Variants in VAV1 observed in about 807,000 individuals in gnomAD.
VAV1 encodes the protein vav guanine nucleotide exchange factor 1.
A neutral mutation model predicts 128.1 loss-of-function variants in VAV1; 33 were observed. That is an observed-to-expected ratio of 0.26 (90% CI 0.20 to 0.34). The LOEUF is 0.34. Ranked by LOEUF, VAV1 falls within the 10% of genes least tolerant of loss-of-function variation. VAV1 has a pLI of 1.00. For missense variants in VAV1, 715 were observed against 1,093.7 expected, an observed-to-expected ratio of 0.65 and a Z score of 4.88; for synonymous variants, 394 against 409.8, an observed-to-expected ratio of 0.96 and a Z score of 0.47.
rs148964450 is a variant in VAV1 at position 6,820,594 on chromosome 19, G to A, written c.205-108G>A. ...AATTCAATTTCATGGAAGAGGGTCT[G>A]TGCTTTCATTTCCCCTCCACACCAG... On this transcript the variant is annotated intron_variant, in intron 1 of 26. Coordinates refer to ENST00000602142, the MANE Select transcript of VAV1 (RefSeq NM_005428.4). This position sits in a 1 kb window ranked among gnomAD's most constrained non-coding sequence, Gnocchi z 4.4. 20 of 784,048 alleles carry A rather than the reference G, an allele frequency of 2.6e-5. No homozygotes were observed. The highest frequency in any genetic ancestry group is 2.0e-4 in the African/African-American group (12 of 58,702). 48.6% of individuals were successfully genotyped at this position (784,048 alleles called of 1,614,324 possible).
At chr19:6,807,721 T>A (rs12978597) in intron 1 of VAV1, among the ~76,000 whole-genome samples, 112,820 of 151,564 alleles carry the variant, frequency 0.74, 43,803 homozygotes, top group East Asian at 0.88. Flanking sequence ...TAAAAAAAAG[T>A]TAAAATCACT....
In VAV1 at chr19:6,855,079, C is replaced by A. The variant is rs182406565; in HGVS notation, c.2484+981C>A. Among the ~76,000 whole-genome samples the A allele has an allele frequency of 6.1e-4, 93 of 152,316 alleles. 1 individual carries two copies. Among genetic ancestry groups the A allele is most frequent in the Non-Finnish European group, 1.2e-3 (79 of 68,024 alleles). ...AGTCCACTTGTTTCTGCCAAGTTCT[C>A]ATTTTTGTTCCATGAAGGCAGAGCA... On this transcript the variant is annotated intron_variant, in intron 26 of 26. Transcript: ENST00000602142.
At chr19:6,779,326 T>TA (rs1195715683) in intron 1 of VAV1, among the ~76,000 whole-genome samples, 1 of 150,612 alleles carries the variant, frequency 6.6e-6, no homozygotes, top group Non-Finnish European at 1.5e-5. Flanking sequence ...GTGCTGGGAT[T>TA]ACAGGCATGA....
chr19:6,817,612 C>A (rs988160486), intron 1 of VAV1, among the ~76,000 whole-genome samples: 2 of 152,136 alleles, frequency 1.3e-5, no homozygotes, highest in Non-Finnish European at 2.9e-5. Flanking sequence ...ATAAACACAA[C>A]AAGAGAAGCA....
At chr19:6,852,677 C>T (rs13343726) in intron 24 of VAV1, among the ~76,000 whole-genome samples, 21 of 151,190 alleles carry the variant, frequency 1.4e-4, no homozygotes, top group African/African-American at 5.1e-4. Flanking sequence ...GCCGAGATTG[C>T]GCCACTGCAC....
Position 6,826,819 on chromosome 19 carries a change from C to A in VAV1, c.927+108C>A. 2 of 870,408 alleles carry A rather than the reference C, an allele frequency of 2.3e-6. No individual in the cohort carries two copies. Among genetic ancestry groups the A allele is most frequent in the Non-Finnish European group, 3.7e-6 (2 of 547,700 alleles). 53.9% of individuals were successfully genotyped at this position (870,408 alleles called of 1,614,324 possible). A position where few individuals can be genotyped will look rare whatever the true frequency, so the allele number is the denominator to read the frequency against. On this transcript the variant is annotated intron_variant, in intron 9 of 26. Transcript: ENST00000602142. This position sits in a 1 kb window ranked among gnomAD's most constrained non-coding sequence, Gnocchi z 4.1. ...TGGTCCACTTTCTGCTGCAGCCCAGCCAGAGATCCACCAAAGGACTAGGGA... is the reference window on the plus strand; with the variant it reads ...TGGTCCACTTTCTGCTGCAGCCCAGACAGAGATCCACCAAAGGACTAGGGA...
At chr19:6,844,003 G>A (rs1000816361) in intron 22 of VAV1, among the ~76,000 whole-genome samples, 5 of 136,030 alleles carry the variant, frequency 3.7e-5, no homozygotes, top group East Asian at 2.3e-4. Flanking sequence ...AAAGCCCTTC[G>A]GAAAATAGAT....
chr19:6,774,252 CGAGTAGCTGG>C (rs1312613506), intron 1 of VAV1, among the ~76,000 whole-genome samples: 1 of 150,484 alleles, frequency 6.6e-6, no homozygotes, highest in Non-Finnish European at 1.5e-5. Context: ...CTCAGCCTCC[CGAGTAGCTGG>C]GACTACAGGC....
At chr19:6,853,496 G>A (rs1400716453) in intron 25 of VAV1, among the ~76,000 whole-genome samples, 9 of 151,940 alleles carry the variant, frequency 5.9e-5, no homozygotes, top group African/African-American at 2.2e-4. Flanking sequence ...GGCCAAGGTG[G>A]GTGGATCACT....
intron 1 of VAV1, among the ~76,000 whole-genome samples, chr19:6,799,845 A>C (rs1212222607): frequency 9.1e-6 from 1 of 109,576 alleles, no homozygotes; most frequent in African/African-American, 4.7e-5. Context: ...AGACTGTCTC[A>C]AAAAAAAAAA....
At position 6,828,197 on chromosome 19, in the gene VAV1, G is replaced by A. The variant is rs1414318435; in HGVS notation, c.1023+26G>A. The A allele has an allele frequency of 1.9e-6, 3 of 1,611,926 alleles. No homozygotes were observed. The highest frequency in any genetic ancestry group is 1.7e-5 in the Admixed American group (1 of 59,980). On this transcript the variant is annotated intron_variant, in intron 10 of 26. Transcript: ENST00000602142. This position sits in a 1 kb window ranked among gnomAD's most constrained non-coding sequence, Gnocchi z 4.5. ...GTGCCAGGCACATCTCTAGGCGTGG[G>A]CTCCACGTACCTACTCTCCTGTGTC...
At chr19:6,853,158 C>G (rs926874090) in intron 25 of VAV1, 79 bp downstream of exon 25, 1 of 1,313,252 alleles carries the variant, frequency 7.6e-7, no homozygotes, top group African/African-American at 1.5e-5. Context: ...GCCATTGACA[C>G]CCCTTCCAAT....
intron 23 of VAV1, among the ~76,000 whole-genome samples, chr19:6,849,847 C>G (rs1185206655): frequency 6.6e-6 from 1 of 152,080 alleles, no homozygotes; most frequent in Non-Finnish European, 1.5e-5. Context: ...TGATGGGCAC[C>G]TGGGTCGATC....
At chr19:6,812,907 A>G (rs1217455151) in intron 1 of VAV1, among the ~76,000 whole-genome samples, 2 of 152,150 alleles carry the variant, frequency 1.3e-5, no homozygotes, top group African/African-American at 4.8e-5. Flanking sequence ...TTACTATCAT[A>G]ATGATAATGA....
intron 23 of VAV1, among the ~76,000 whole-genome samples, 153 bp from the exon 24 acceptor site, chr19:6,850,517 C>A (rs1176749503): frequency 6.6e-6 from 1 of 151,558 alleles, no homozygotes; most frequent in Non-Finnish European, 1.5e-5. Flanking sequence ...GTAGCAAAGG[C>A]CCCAGGGAAT....
intron 1 of VAV1, among the ~76,000 whole-genome samples, chr19:6,817,626 C>G (rs534510166): frequency 6.6e-6 from 1 of 152,152 alleles, no homozygotes; most frequent in Admixed American, 6.6e-5. Flanking sequence ...AGAAGCAAAA[C>G]TAAGGGGATA....
In VAV1 at chr19:6,820,614, C is replaced by T; in HGVS notation, c.205-88C>T. On this transcript the variant is annotated intron_variant, in intron 1 of 26. Coordinates refer to ENST00000602142, the MANE Select transcript of VAV1 (RefSeq NM_005428.4). This position sits in a 1 kb window ranked among gnomAD's most constrained non-coding sequence, Gnocchi z 4.4. ...GGTCTGTGCTTTCATTTCCCCTCCA[C>T]ACCAGTCCCCAAGCTAGGTGGCCTG... 9.9e-7 allele frequency: 1 copy of T among 1,008,686 alleles called. No individual in the cohort carries two copies. Among genetic ancestry groups the T allele is most frequent in the South Asian group, 1.3e-5 (1 of 76,096 alleles). 62.5% of individuals were successfully genotyped at this position (1,008,686 alleles called of 1,614,324 possible).
chr19:6,783,703 G>C (rs1970820680), intron 1 of VAV1, among the ~76,000 whole-genome samples: 1 of 151,866 alleles, frequency 6.6e-6, no homozygotes, highest in Non-Finnish European at 1.5e-5. Context: ...CCTGACCTCG[G>C]GTGATCCACT....
intron 21 of VAV1, among the ~76,000 whole-genome samples, chr19:6,839,836 G>T (rs1373952241): frequency 6.6e-6 from 1 of 151,848 alleles, no homozygotes; most frequent in Non-Finnish European, 1.5e-5. Flanking sequence ...GACTACAGGT[G>T]CATACCACCA....
Sources: gnomAD v4.1 joint callset for allele counts (sites outside exome capture counted in the v4.1 genomes callset) on GRCh38, gnomAD v4.1.1 for gene constraint, Gnocchi (gnomAD v3.1) non-coding constraint, MANE v1.5 for transcripts, NCBI Gene and HGNC (gene_info 2026-07-23, HGNC 2026-07-21) for gene names.